EFHC2: variants seen among roughly 807,000 people sequenced by gnomAD.
EFHC2 encodes EF-hand domain-containing family member C2.
EFHC2 carries 18 observed loss-of-function variants against 52.7 expected under a neutral mutation model. That is an observed-to-expected ratio of 0.34 (90% CI 0.24 to 0.51). The LOEUF (loss-of-function observed/expected upper bound fraction) is 0.51. Ranked by LOEUF, EFHC2 falls within the 20% of genes least tolerant of loss-of-function variation. The pLI, the probability that EFHC2 is intolerant of heterozygous loss-of-function variation, is 0.97. For missense variants in EFHC2, 513 were observed against 562.5 expected (o/e 0.91, Z 0.89); for synonymous variants, 203 against 204.1 (o/e 0.99, Z 0.04).
At chrX:44,280,682 T>C (rs750928720) in intron 2 of EFHC2, among the ~76,000 whole-genome samples, 3 of 112,122 alleles carry the variant, frequency 2.7e-5, no homozygotes, top group Non-Finnish European at 3.8e-5. Flanking sequence ...TCTTATGTGT[T>C]AGCAATAACC....
At chrX:44,252,206 C>T (rs770732378) in intron 4 of EFHC2, among the ~76,000 whole-genome samples, 1 of 111,691 alleles carries the variant, frequency 9.0e-6, no homozygotes, top group South Asian at 3.7e-4. Flanking sequence ...CTTCTTGATG[C>T]AACTCTTCCC....
At chrX:44,212,191 C>T (rs982934291) in intron 11 of EFHC2, among the ~76,000 whole-genome samples, 6 of 110,699 alleles carry the variant, frequency 5.4e-5, no homozygotes. Context: ...TGAATCCAGT[C>T]TGGGCAATGT....
intron 7 of EFHC2, among the ~76,000 whole-genome samples, chrX:44,242,866 AACTTTCCTCTCACCAGCC>A (rs2037370800): frequency 9.0e-6 from 1 of 111,563 alleles, no homozygotes; most frequent in African/African-American, 3.3e-5. Flanking sequence ...ACCAAAACAG[AACTTTCCTCTCACCAGCC>A]ACGGCCCCAG....
chrX:44,174,651 A>AGGGG (rs370737090), intron 13 of EFHC2, among the ~76,000 whole-genome samples: 3 of 56,970 alleles, frequency 5.3e-5, no homozygotes, highest in African/African-American at 2.0e-4. Context: ...CAAAAAAAAA[A>AGGGG]GGGGGGGGGA....
chrX:44,297,400 A>G (rs1403346411), intron 2 of EFHC2, among the ~76,000 whole-genome samples: 1 of 109,955 alleles, frequency 9.1e-6, no homozygotes, highest in Non-Finnish European at 1.9e-5. Flanking sequence ...GCCCTAGGGG[A>G]AAGGGGAAGG....
At chrX:44,155,860 G>A (rs1464644207) in intron 14 of EFHC2, among the ~76,000 whole-genome samples, 4 of 112,324 alleles carry the variant, frequency 3.6e-5, no homozygotes, top group East Asian at 5.5e-4. Flanking sequence ...AGGATTTTGC[G>A]AATATTTCTT....
intron 1 of EFHC2, among the ~76,000 whole-genome samples, chrX:44,339,191 C>CAAAAAAAAA (rs58180100): frequency 5.4e-4 from 49 of 90,333 alleles, no homozygotes; most frequent in African/African-American, 1.8e-3. Context: ...ACTCCATCTC[C>CAAAAAAAAA]AAAAAAAAAA....
intron 1 of EFHC2, among the ~76,000 whole-genome samples, chrX:44,335,858 A>G: frequency 8.9e-6 from 1 of 112,014 alleles, no homozygotes; most frequent in East Asian, 2.8e-4. Flanking sequence ...TTTACAGACC[A>G]TACATTCAAT....
At chrX:44,192,567 G>A (rs938368079) in intron 11 of EFHC2, among the ~76,000 whole-genome samples, 1 of 111,736 alleles carries the variant, frequency 8.9e-6, no homozygotes, top group Non-Finnish European at 1.9e-5. Context: ...ACTTAGCTTA[G>A]AAAATGATTT....
intron 3 of EFHC2, among the ~76,000 whole-genome samples, chrX:44,266,936 A>G (rs1190116928): frequency 1.8e-5 from 2 of 111,558 alleles, no homozygotes; most frequent in South Asian, 3.8e-4. Context: ...AGGGGCCAAA[A>G]CAAGTCATTA....
At chrX:44,188,546 C>T (rs2036895503) in intron 11 of EFHC2, among the ~76,000 whole-genome samples, 1 of 111,276 alleles carries the variant, frequency 9.0e-6, no homozygotes, top group Non-Finnish European at 1.9e-5. Context: ...TCAATATCTA[C>T]ATCCTAGAAT....
chrX:44,304,805 G>A (rs778743905), intron 2 of EFHC2, among the ~76,000 whole-genome samples: 7 of 109,574 alleles, frequency 6.4e-5, no homozygotes, highest in South Asian at 4.1e-4. Context: ...TGTGTTTCTC[G>A]GTGGAAACAG....
At chrX:44,322,761 G>A (rs901939554) in intron 1 of EFHC2, among the ~76,000 whole-genome samples, 54 of 112,229 alleles carry the variant, frequency 4.8e-4, no homozygotes, top group African/African-American at 1.7e-3. Context: ...TTGGCTTTTA[G>A]AGAGAACTGA....
chrX:44,235,564 A>G, intron 8 of EFHC2, 117 bp from the exon 9 acceptor site: 4 of 695,823 alleles, frequency 5.7e-6, no homozygotes, highest in Non-Finnish European at 7.9e-6. Flanking sequence ...TAAACTGTCC[A>G]AAGTGAAAGA....
At chrX:44,303,832 A>G (rs1337413040) in intron 2 of EFHC2, among the ~76,000 whole-genome samples, 2 of 111,830 alleles carry the variant, frequency 1.8e-5, no homozygotes, top group Non-Finnish European at 3.8e-5. Flanking sequence ...GATTATAACC[A>G]TTATGTTTAC....
chrX:44,213,734 G>A (rs745623352), intron 11 of EFHC2, among the ~76,000 whole-genome samples: 10 of 111,605 alleles, frequency 9.0e-5, no homozygotes, highest in East Asian at 2.8e-4. Context: ...GATTGTACAC[G>A]TTTCTCATCA....
intron 1 of EFHC2, among the ~76,000 whole-genome samples, chrX:44,314,488 G>A (rs1222222829): frequency 5.4e-5 from 6 of 112,090 alleles, no homozygotes; most frequent in Non-Finnish European, 1.1e-4. Context: ...TAACAGCCCA[G>A]CTCTAGGGCT....
At chrX:44,269,454 G>T (rs1201587927) in intron 3 of EFHC2, among the ~76,000 whole-genome samples, 1 of 110,984 alleles carries the variant, frequency 9.0e-6, no homozygotes, top group Non-Finnish European at 1.9e-5. Context: ...GATGGGGCCT[G>T]CTGGGAGGTG....
intron 11 of EFHC2, among the ~76,000 whole-genome samples, chrX:44,193,226 G>C (rs1364394763): frequency 9.2e-6 from 1 of 108,737 alleles, no homozygotes; most frequent in Non-Finnish European, 1.9e-5. Context: ...ATCTACCTAT[G>C]ACCCGAAAGC....
Sources: allele counts gnomAD v4.1 joint callset (sites outside exome capture counted in the v4.1 genomes callset), GRCh38; gene constraint gnomAD v4.1.1; transcripts MANE v1.5; gene names NCBI Gene and HGNC (gene_info 2026-07-23, HGNC 2026-07-21).